NUDCD3: variants seen among roughly 807,000 people sequenced by gnomAD.
NUDCD3 encodes the protein NudC domain containing 3.
NUDCD3 carries 13 observed loss-of-function variants against 39.7 expected under a neutral mutation model. The ratio of observed to expected loss-of-function variants is 0.33; its 90% CI spans 0.21 to 0.52. NUDCD3 has a LOEUF of 0.52. Ranked by LOEUF, NUDCD3 falls within the 20% of genes least tolerant of loss-of-function variation. NUDCD3 has a pLI of 0.96. For synonymous variants in NUDCD3, 175 were observed against 172.4 expected, an observed-to-expected ratio of 1.02 and a Z score of -0.12; for missense variants, 453 against 458.1, an observed-to-expected ratio of 0.99 and a Z score of 0.10.
chr7:44,402,510 T>C (rs771754694), intron 4 of NUDCD3: 26 of 382,110 alleles, frequency 6.8e-5, no homozygotes, highest in Non-Finnish European at 1.3e-4. Context: ...AAAGGAATCA[T>C]TGGTACCCTG....
chr7:44,472,359 G>A (rs533700089), intron 2 of NUDCD3, among the ~76,000 whole-genome samples: 4 of 152,262 alleles, frequency 2.6e-5, no homozygotes, highest in African/African-American at 9.6e-5. Flanking sequence ...TTGGTGTATA[G>A]GACTTACTGA....
At chr7:44,428,431 A>G (rs895350137) in intron 2 of NUDCD3, among the ~76,000 whole-genome samples, 1 of 152,018 alleles carries the variant, frequency 6.6e-6, no homozygotes, top group Admixed American at 6.6e-5. Context: ...CAACAAGAGC[A>G]AAACTCTGCT....
At chr7:44,425,016 A>G (rs1799207594) in intron 3 of NUDCD3, among the ~76,000 whole-genome samples, 3 of 151,998 alleles carry the variant, frequency 2.0e-5, no homozygotes, top group African/African-American at 7.3e-5. Flanking sequence ...GCTGGAAACC[A>G]TCATCCTGAG....
rs574648029 is a variant in NUDCD3 at position 44,398,185 on chromosome 7, T to G, written c.787-5700A>C. On this transcript the variant is annotated intron_variant, in intron 4 of 5. Transcript: ENST00000355451. ...CATCTGTCCCACGAAGGCTGGGAAA[T>G]GCTGACTTTCTTGCCCTAGTCCCTC... Among the ~76,000 whole-genome samples the G allele has an allele frequency of 1.1e-4, 16 of 152,310 alleles. 1 individual carries two copies. The South Asian group carries it at 3.3e-3, about 32-fold the overall frequency.
At chr7:44,465,572 T>A (rs1271393968) in intron 2 of NUDCD3, among the ~76,000 whole-genome samples, 1 of 152,174 alleles carries the variant, frequency 6.6e-6, no homozygotes, top group Middle Eastern at 3.2e-3. Context: ...AGTCTAAAAA[T>A]AAACTGTATT....
Position 44,490,430 on chromosome 7 carries a change from G to A in NUDCD3, c.171C>T (p.Ala57=), listed in dbSNP as rs754361965. 4.7e-5 allele frequency: 74 copies of A among 1,581,390 alleles called. No individual in the cohort carries two copies. Among genetic ancestry groups the A allele is most frequent in the Middle Eastern group, 1.7e-4 (1 of 5,944 alleles). ...PSDRMGFPPG[A]AQALVLQVFK... ...TCACCTGCAGCACCAAGGCCTGCGCGGCCCCGGGCGGGAAGCCCATGCGGT... is the reference window on the plus strand; with the variant it reads ...TCACCTGCAGCACCAAGGCCTGCGCAGCCCCGGGCGGGAAGCCCATGCGGT... The change falls in exon 1 of 6, where the codon GCC becomes GCT. Residue 57 remains alanine, a synonymous_variant. Transcript: ENST00000355451.
intron 2 of NUDCD3, among the ~76,000 whole-genome samples, chr7:44,427,997 C>T (rs1406685382): frequency 6.6e-6 from 1 of 152,028 alleles, no homozygotes; most frequent in Admixed American, 6.6e-5. Flanking sequence ...CAAACCATAG[C>T]TGGTACTGCC....
intron 2 of NUDCD3, among the ~76,000 whole-genome samples, chr7:44,433,115 T>A (rs571817685): frequency 3.0e-4 from 45 of 152,300 alleles, no homozygotes; most frequent in African/African-American, 1.0e-3. Flanking sequence ...GGTCCATGAA[T>A]CAGGAAGCAG....
chr7:44,452,717 G>A (rs2116936820), intron 2 of NUDCD3, among the ~76,000 whole-genome samples: 1 of 152,334 alleles, frequency 6.6e-6, no homozygotes. Context: ...TCAGAAGCCA[G>A]GAAAGGCCAT....
At chr7:44,457,885 G>T (rs1007658758) in intron 2 of NUDCD3, among the ~76,000 whole-genome samples, 1 of 152,176 alleles carries the variant, frequency 6.6e-6, no homozygotes, top group East Asian at 1.9e-4. Flanking sequence ...TAGATTGCTG[G>T]TGTACAATGG....
chr7:44,388,509 T>C (rs775124722), intron 5 of NUDCD3, among the ~76,000 whole-genome samples: 3 of 152,244 alleles, frequency 2.0e-5, no homozygotes, highest in Non-Finnish European at 2.9e-5. Flanking sequence ...ACTAAGGACA[T>C]TTTACATGAA....
At chr7:44,443,702 A>C (rs7802285) in intron 2 of NUDCD3, among the ~76,000 whole-genome samples, 24,119 of 152,110 alleles carry the variant, frequency 0.16, 2,084 homozygotes, top group Non-Finnish European at 0.19. Flanking sequence ...CGTGACCCAC[A>C]GTGCCTGGCC....
rs1483107869 is a variant in NUDCD3 at position 44,392,406 on chromosome 7, T to C, written c.866A>G (p.Asn289Ser). The C allele has an allele frequency of 6.2e-7, 1 of 1,614,016 alleles. No individual in the cohort carries two copies. Among genetic ancestry groups the C allele is most frequent in the Non-Finnish European group, 8.5e-7 (1 of 1,179,992 alleles). The change falls in exon 5 of 6, where the codon AAC (asparagine) becomes AGC (serine). Residue 289 changes from asparagine (N) to serine (S), a missense_variant. Coordinates refer to ENST00000355451, the MANE Select transcript of NUDCD3 (RefSeq NM_015332.4). ...CACGGTGGCCATGGAGCGCTCCTTG[T>C]TGATCTTGTCAATGTCGATGGGCTC... Reference protein sequence around the residue: ...GEEPIDIDKINKERSMATVDE... With the variant: ...GEEPIDIDKISKERSMATVDE...
At position 44,400,926 on chromosome 7, in the gene NUDCD3, A is replaced by AT. The variant is rs1585054575; in HGVS notation, c.786+3513dup. ...TCCCAAATAAGGCCACATTCACAGG[A>AT]TATCTCCAACCCTTTAGAGCAAAGC... On this transcript the variant is annotated intron_variant, in intron 4 of 5. Coordinates refer to ENST00000355451, the MANE Select transcript of NUDCD3 (RefSeq NM_015332.4). Among the ~76,000 whole-genome samples the AT allele has an allele frequency of 6.6e-5, 10 of 152,320 alleles. No individual in the cohort carries two copies. The South Asian group carries it at 1.2e-3, about 19-fold the overall frequency.
At chr7:44,441,006 A>G (rs1189146042) in intron 2 of NUDCD3, among the ~76,000 whole-genome samples, 1 of 152,108 alleles carries the variant, frequency 6.6e-6, no homozygotes, top group Non-Finnish European at 1.5e-5. Flanking sequence ...TTTTCTTCCC[A>G]TCTCCCATAT....
At chr7:44,484,881 T>C (rs1002674880) in intron 2 of NUDCD3, 87 bp downstream of exon 2, 5 of 952,770 alleles carry the variant, frequency 5.2e-6, no homozygotes, top group Non-Finnish European at 7.9e-6. Flanking sequence ...AGAATTAATG[T>C]GTTACAAAGT....
At position 44,485,589 on chromosome 7, in the gene NUDCD3, T is replaced by C. The variant is rs80001014; in HGVS notation, c.193-305A>G. On this transcript the variant is annotated intron_variant, in intron 1 of 5. Coordinates refer to ENST00000355451, the MANE Select transcript of NUDCD3 (RefSeq NM_015332.4). ...CATTATTTTACAGACCCCAGTCTTG[T>C]TCACAATGCAAAGAATACACGGTCC... 2.2e-3 allele frequency: 557 copies of C among 255,360 alleles called. 2 individuals are homozygous for C. Among genetic ancestry groups the C allele is most frequent in the Non-Finnish European group, 2.9e-3 (387 of 133,286 alleles). The allele number at this position is 255,360 out of a possible 1,614,324, so 15.8% of individuals were successfully genotyped here.
At chr7:44,448,288 G>A (rs117581530) in intron 2 of NUDCD3, among the ~76,000 whole-genome samples, 11 of 152,268 alleles carry the variant, frequency 7.2e-5, no homozygotes, top group African/African-American at 2.6e-4. Flanking sequence ...CACGAACAGT[G>A]GCAAGTCCTC....
At chr7:44,487,821 G>T (rs1563192810) in intron 1 of NUDCD3, among the ~76,000 whole-genome samples, 2 of 152,004 alleles carry the variant, frequency 1.3e-5, no homozygotes, top group Non-Finnish European at 2.9e-5. Flanking sequence ...AGGCATGGTG[G>T]TACATGCCTG....
Sources: allele counts gnomAD v4.1 joint callset (sites outside exome capture counted in the v4.1 genomes callset), GRCh38; gene constraint gnomAD v4.1.1; transcripts MANE v1.5; gene names NCBI Gene and HGNC (gene_info 2026-07-23, HGNC 2026-07-21).